CHRNB1: variants seen among roughly 807,000 people sequenced by gnomAD.
CHRNB1 encodes the protein cholinergic receptor nicotinic beta 1 subunit, also known as acetylcholine receptor subunit beta.
A neutral mutation model predicts 53.8 loss-of-function variants in CHRNB1; 47 were observed. The ratio of observed to expected loss-of-function variants is 0.87; its 90% CI spans 0.69 to 1.11. CHRNB1 has a LOEUF of 1.11. CHRNB1 is among the 50% of genes most tolerant of loss of function. CHRNB1 has a pLI of 0.00. For synonymous variants in CHRNB1, 259 were observed against 263.5 expected, an observed-to-expected ratio of 0.98 and a Z score of 0.16; for missense variants, 605 against 654.9, an observed-to-expected ratio of 0.92 and a Z score of 0.83.
intron 3 of CHRNB1, 136 bp downstream of exon 3, chr17:7,446,249 A>G: frequency 1.3e-6 from 1 of 779,204 alleles, no homozygotes; most frequent in East Asian, 2.6e-5. Flanking sequence ...GCTCGAAGAA[A>G]CAACACTTAA....
intron 6 of CHRNB1, among the ~76,000 whole-genome samples, chr17:7,448,214 G>A (rs1223100703): frequency 2.0e-5 from 3 of 150,018 alleles, no homozygotes; most frequent in Admixed American, 6.7e-5. Context: ...GTGAAACCCC[G>A]TCTCTACTAA....
intron 2 of CHRNB1, 37 bp from the exon 3 acceptor site, chr17:7,446,032 C>T: frequency 1.2e-6 from 2 of 1,603,738 alleles, no homozygotes; most frequent in Non-Finnish European, 1.7e-6. Context: ...TCTCTCCACC[C>T]TACTTCACCT....
At chr17:7,448,928 G>A (rs924571066) in intron 7 of CHRNB1, 140 bp downstream of exon 7, 40 of 846,984 alleles carry the variant, frequency 4.7e-5, no homozygotes, top group Admixed American at 4.4e-4. Context: ...TCTGCCTCCC[G>A]TTGACTGCCA....
At chr17:7,456,430 C>T (rs2069951442) in intron 10 of CHRNB1, among the ~76,000 whole-genome samples, 153 bp from the exon 11 acceptor site, 1 of 152,096 alleles carries the variant, frequency 6.6e-6, no homozygotes, top group African/African-American at 2.4e-5. Flanking sequence ...TATGCCCATG[C>T]ATTGCCTGCA....
rs369504006 is a variant in CHRNB1, at chr17:7,446,131, G to T, written c.243+18G>T. On this transcript the variant is annotated intron_variant, in intron 3 of 10. Transcript: ENST00000306071. ...TAGACCTGGTATGGAGACCCCACGGGGTGGGAAAGGGCTTCCCTCTGCCTT... is the reference window on the plus strand; with the variant it reads ...TAGACCTGGTATGGAGACCCCACGGTGTGGGAAAGGGCTTCCCTCTGCCTT... The T allele has an allele frequency of 1.4e-4, 224 of 1,608,470 alleles. 1 individual carries two copies. The highest frequency in any genetic ancestry group is 1.9e-4 in the Non-Finnish European group (218 of 1,174,884).
chr17:7,455,997 C>A, intron 10 of CHRNB1, 56 bp downstream of exon 10: 2 of 1,500,532 alleles, frequency 1.3e-6, no homozygotes, highest in South Asian at 1.1e-5. Context: ...GCCCCACCCC[C>A]AAATTCCGCA....
At chr17:7,450,788 T>C (rs1396555286) in intron 7 of CHRNB1, among the ~76,000 whole-genome samples, 1 of 152,208 alleles carries the variant, frequency 6.6e-6, no homozygotes, top group African/African-American at 2.4e-5. Flanking sequence ...AGAGGGGCAG[T>C]GTTGCAATTC....
rs1597754975 is a variant in CHRNB1 at position 7,455,388 on chromosome 17, G to A, written c.1149G>A (p.Trp383Ter). The A allele has an allele frequency of 6.2e-7, 1 of 1,614,132 alleles. No individual in the cohort carries two copies. Among genetic ancestry groups the A allele is most frequent in the East Asian group, 2.2e-5 (1 of 44,880 alleles). The stretch of plus-strand genomic sequence containing the variant: ...ACTGTTCTTCTCCAGGAAGTGGCTG[G>A]GGTCGGGGAACAGATGAATATTTCA... ...PPHCSSPGSG[W>*]GRGTDEYFIR... is the part of the protein sequence containing the mutation. Residue 383 changes from tryptophan to a stop codon, truncating the protein, a stop_gained, in exon 9 of 11, where the codon TGG (tryptophan) becomes TGA (stop). Coordinates refer to ENST00000306071, the MANE Select transcript of CHRNB1 (RefSeq NM_000747.3). LOFTEE classifies it high-confidence loss of function.
chr17:7,447,635 G>A lies in CHRNB1; in HGVS notation c.595G>A (p.Glu199Lys), dbSNP rs1908695916. The change falls in exon 6 of 11, where the codon GAA (glutamate) becomes AAA (lysine). Residue 199 changes from glutamate to lysine, a missense_variant. Coordinates refer to ENST00000306071, the MANE Select transcript of CHRNB1 (RefSeq NM_000747.3). ...GQGHQEIHIH[E>K]GTFIENGQWE... ...AGGGCATCAGGAAATCCACATTCATGAAGGGACTTTCATTGGTGAGTAGGC... is the reference window on the plus strand; with the variant it reads ...AGGGCATCAGGAAATCCACATTCATAAAGGGACTTTCATTGGTGAGTAGGC... 6.2e-7 allele frequency: 1 copy of A among 1,614,104 alleles called. No individual in the cohort carries two copies. The highest frequency in any genetic ancestry group is 1.1e-5 in the South Asian group (1 of 91,094).
At position 7,455,788 on chromosome 17, in the gene CHRNB1, T is replaced by C. The variant is rs1260580886; in HGVS notation, c.1218-6T>C. ...GTTTGGGCGTGGCCAGTCACTCCTC[T>C]TCCAGGTTCCAGCCTGAACTGTCTG... On this transcript the variant is annotated splice_region_variant and splice_polypyrimidine_tract_variant and intron_variant, in intron 9 of 10. Coordinates refer to ENST00000306071, the MANE Select transcript of CHRNB1 (RefSeq NM_000747.3). The C allele has an allele frequency of 1.2e-6, 2 of 1,614,200 alleles. No homozygotes were observed. The highest frequency in any genetic ancestry group is 1.7e-5 in the Admixed American group (1 of 60,020).
chr17:7,456,545 G>T, intron 10 of CHRNB1, 38 bp from the exon 11 acceptor site: 1 of 1,613,648 alleles, frequency 6.2e-7, no homozygotes, highest in Admixed American at 1.7e-5. Context: ...TGGGGGTCTG[G>T]GCCCAGAGCT....
Position 7,453,582 on chromosome 17 carries a change from CTTT to C in CHRNB1, c.821-694_821-692del, listed in dbSNP as rs71157287. On this transcript the variant is annotated intron_variant, in intron 7 of 10. Coordinates refer to ENST00000306071, the MANE Select transcript of CHRNB1 (RefSeq NM_000747.3). Reference sequence around the variant, plus strand: ...GCAGATGGCCCTTCCAAAAGCCTGTCTTTTTTTTTTTTTTTTTTTTTTTATGAT... The same window carrying C: ...GCAGATGGCCCTTCCAAAAGCCTGTCTTTTTTTTTTTTTTTTTTTTATGAT... Among the ~76,000 whole-genome samples, 719 of 96,004 alleles carry C rather than the reference CTTT, an allele frequency of 7.5e-3. 3 individuals carry two copies. Among genetic ancestry groups the C allele is most frequent in the African/African-American group, 0.026 (646 of 24,756 alleles). 63.0% of individuals were successfully genotyped at this position (96,004 alleles called of 152,430 possible).
chr17:7,450,295 C>T (rs925685176), intron 7 of CHRNB1, among the ~76,000 whole-genome samples: 1 of 152,026 alleles, frequency 6.6e-6, no homozygotes, highest in Non-Finnish European at 1.5e-5. Flanking sequence ...AGGTGCCCAC[C>T]ACCATGCCTG....
rs1007366348 is a variant in CHRNB1, at chr17:7,447,368, C to G, written c.463-135C>G. 10 of 1,087,034 alleles carry G rather than the reference C, an allele frequency of 9.2e-6. No homozygotes were observed. The African/African-American group carries it at 1.5e-4, about 17-fold the overall frequency. 67.3% of individuals were successfully genotyped at this position (1,087,034 alleles called of 1,614,324 possible). A position where few individuals can be genotyped will look rare whatever the true frequency, so the allele number is the denominator to read the frequency against. ...AGTGACCGCCCTCCCCATCCCTCCC[C>G]CATTAATGGCTTCCCTTCATAACCC... On this transcript the variant is annotated intron_variant, in intron 5 of 10. Coordinates refer to ENST00000306071, the MANE Select transcript of CHRNB1 (RefSeq NM_000747.3).
chr17:7,446,399 C>T, intron 3 of CHRNB1: 1 of 541,850 alleles, frequency 1.8e-6, no homozygotes, highest in East Asian at 3.2e-5. Flanking sequence ...GTTGCACAGG[C>T]TGTTCTTGAA....
Position 7,445,316 on chromosome 17 carries a change from C to G in CHRNB1, c.105C>G (p.Phe35Leu). The part of the protein sequence containing the change: ...EAEGRLREKL[F>L]SGYDSSVRPA... ...AGGGTCGACTCCGGGAGAAACTTTT[C>G]TCTGGCTATGATAGCTCCGTGCGGC... The change falls in exon 2 of 11, where the codon TTC (phenylalanine) becomes TTG (leucine). Residue 35 changes from phenylalanine (F) to leucine (L), a missense_variant. By Grantham distance (22) the Phe-to-Leu change is conservative (BLOSUM62 0). Transcript: ENST00000306071. This position sits in a 1 kb window ranked among gnomAD's most constrained non-coding sequence, Gnocchi z 5.7. The G allele has an allele frequency of 6.2e-7, 1 of 1,613,132 alleles. No individual in the cohort carries two copies. Among genetic ancestry groups the G allele is most frequent in the Non-Finnish European group, 8.5e-7 (1 of 1,179,844 alleles).
intron 9 of CHRNB1, 119 bp from the exon 10 acceptor site, chr17:7,455,675 G>A: frequency 1.4e-6 from 2 of 1,418,496 alleles, no homozygotes; most frequent in Admixed American, 1.7e-5. Flanking sequence ...GGAGGGAAAA[G>A]CATGATGGGC....
chr17:7,448,427 A>C (rs1477572861), intron 6 of CHRNB1, 152 bp from the exon 7 acceptor site: 1 of 684,940 alleles, frequency 1.5e-6, no homozygotes, highest in African/African-American at 1.8e-5. Context: ...GACTTGCCCA[A>C]GTTTATTAGA....
At position 7,456,574 on chromosome 17, in the gene CHRNB1, T is replaced by C. The variant is rs775621810; in HGVS notation, c.1366-9T>C. The stretch of plus-strand genomic sequence containing the variant: ...CAGAGCTCAGGAAGTTTCCTTTGCC[T>C]ACCCACAGCTGAAGGAGGACTGGCA... On this transcript the variant is annotated splice_polypyrimidine_tract_variant and intron_variant, in intron 10 of 10. Transcript: ENST00000306071. The C allele has an allele frequency of 6.2e-7, 1 of 1,614,068 alleles. No individual in the cohort carries two copies. Among genetic ancestry groups the C allele is most frequent in the South Asian group, 1.1e-5 (1 of 91,074 alleles).
Sources: allele counts gnomAD v4.1 joint callset (sites outside exome capture counted in the v4.1 genomes callset), GRCh38; gene constraint gnomAD v4.1.1; non-coding constraint Gnocchi (gnomAD v3.1); transcripts MANE v1.5; gene names NCBI Gene and HGNC (gene_info 2026-07-23, HGNC 2026-07-21).